ZNF215: variants seen among roughly 807,000 people sequenced by gnomAD.
ZNF215 encodes the protein BWSCR2-associated zinc finger protein 2.
Under a neutral mutation model 27.2 loss-of-function variants are expected in ZNF215, and 24 were observed. The observed-to-expected ratio is 0.88, with a 90% CI of 0.64 to 1.24. The LOEUF (loss-of-function observed/expected upper bound fraction) is 1.24. ZNF215 is among the 50% of genes most tolerant of loss of function. The pLI is 0.00. For missense variants in ZNF215, 675 were observed against 605.7 expected, an observed-to-expected ratio of 1.11 and a Z score of -1.20; for synonymous variants, 210 against 204.0, an observed-to-expected ratio of 1.03 and a Z score of -0.25.
chr11:6,944,014 G>A (rs1056578311), intron 6 of ZNF215, among the ~76,000 whole-genome samples: 19 of 152,310 alleles, frequency 1.2e-4, no homozygotes, highest in Admixed American at 5.2e-4. Flanking sequence ...GGTGGCTCAC[G>A]CCTGTAATCC....
chr11:6,974,654 A>G (rs1303607431), intron 5 of ZNF215, among the ~76,000 whole-genome samples: 2 of 152,108 alleles, frequency 1.3e-5, no homozygotes, highest in African/African-American at 2.4e-5. Flanking sequence ...CTTTGAAGCA[A>G]TTGTGAATGG....
intron 6 of ZNF215, among the ~76,000 whole-genome samples, chr11:6,951,823 G>A (rs1850083061): frequency 6.6e-6 from 1 of 151,950 alleles, no homozygotes; most frequent in Non-Finnish European, 1.5e-5. Context: ...TAATTGTGAT[G>A]TTAGGGTGTC....
chr11:6,938,387 A>G (rs576248472), intron 3 of ZNF215, among the ~76,000 whole-genome samples: 1 of 152,100 alleles, frequency 6.6e-6, no homozygotes, highest in Non-Finnish European at 1.5e-5. Context: ...TGTTGGGAAT[A>G]TAAACTGGTT....
chr11:6,954,358 C>G (rs189164238), intron 6 of ZNF215, among the ~76,000 whole-genome samples: 62 of 152,374 alleles, frequency 4.1e-4, no homozygotes, highest in Middle Eastern at 3.4e-3. Context: ...TACAGAGGCA[C>G]GAAGGCCTCC....
intron 5 of ZNF215, among the ~76,000 whole-genome samples, chr11:6,978,048 T>C (rs920346851): frequency 6.6e-6 from 1 of 152,160 alleles, no homozygotes; most frequent in Non-Finnish European, 1.5e-5. Context: ...GCCTCTTTTT[T>C]CTAACTAACA....
chr11:6,988,278 G>A (rs577698684), downstream of ZNF215: 6 of 984,492 alleles, frequency 6.1e-6, no homozygotes, highest in Admixed American at 1.2e-4. Context: ...GATGGGGATG[G>A]CAGACTCAGC....
chr11:6,952,480 A>G (rs1167111372), intron 6 of ZNF215, among the ~76,000 whole-genome samples: 1 of 152,046 alleles, frequency 6.6e-6, no homozygotes, highest in African/African-American at 2.4e-5. Context: ...TCCTTTTACC[A>G]TTATGTAATG....
chr11:6,986,928 T>A (rs1564980503), downstream of ZNF215, among the ~76,000 whole-genome samples: 1 of 152,112 alleles, frequency 6.6e-6, no homozygotes, highest in Non-Finnish European at 1.5e-5. Flanking sequence ...TACTTATACA[T>A]TGTTTTTGGG....
At chr11:6,969,332 T>C (rs953952449) in intron 5 of ZNF215, among the ~76,000 whole-genome samples, 4 of 152,196 alleles carry the variant, frequency 2.6e-5, no homozygotes, top group Admixed American at 6.5e-5. Flanking sequence ...TCTCCAAATA[T>C]ACATTTGAGC....
intron 5 of ZNF215, among the ~76,000 whole-genome samples, chr11:6,978,857 C>G (rs997652264): frequency 6.6e-6 from 1 of 151,954 alleles, no homozygotes; most frequent in South Asian, 2.1e-4. Flanking sequence ...CACCTATATA[C>G]TTAATTTTAA....
downstream of ZNF215, among the ~76,000 whole-genome samples, chr11:6,961,171 C>T (rs1057206144): frequency 1.3e-5 from 2 of 152,062 alleles, no homozygotes. Context: ...CATGTATTCT[C>T]CAGGCTTTTT....
At chr11:6,955,208 A>G (rs1005744793) in intron 6 of ZNF215, among the ~76,000 whole-genome samples, 1 of 152,188 alleles carries the variant, frequency 6.6e-6, no homozygotes, top group Non-Finnish European at 1.5e-5. Flanking sequence ...AAATGGGGGC[A>G]CTATGATTGC....
Position 6,955,737 on chromosome 11 carries a change from A to G in ZNF215, c.760A>G (p.Thr254Ala). The change falls in exon 7 of 7, where the codon ACA becomes GCA. Residue 254 changes from threonine to alanine, a missense_variant. Physicochemically the swap from Thr to Ala is moderately conservative, Grantham distance 58. Coordinates refer to ENST00000278319, the MANE Select transcript of ZNF215 (RefSeq NM_013250.4). Reference sequence around the variant, plus strand: ...AGAATCATCCCATGGAGTGATTATGACAAGGCTTACCGAAAGTGGACACCC... The same window carrying G: ...AGAATCATCCCATGGAGTGATTATGGCAAGGCTTACCGAAAGTGGACACCC... The part of the protein sequence containing the change: ...GEESSHGVIM[T>A]RLTESGHPSS... The G allele has an allele frequency of 6.2e-7, 1 of 1,601,050 alleles. No homozygotes were observed. Among genetic ancestry groups the G allele is most frequent in the Non-Finnish European group, 8.5e-7 (1 of 1,176,012 alleles).
intron 6 of ZNF215, among the ~76,000 whole-genome samples, chr11:6,952,835 G>T (rs1850134565): frequency 6.6e-6 from 1 of 151,758 alleles, no homozygotes; most frequent in Non-Finnish European, 1.5e-5. Context: ...AGCCTCGATG[G>T]TCTTTACAAT....
chr11:6,973,194 G>T (rs1277457560), intron 5 of ZNF215, among the ~76,000 whole-genome samples: 2 of 152,072 alleles, frequency 1.3e-5, no homozygotes, highest in East Asian at 3.9e-4. Context: ...ATGGTTTCCA[G>T]CTTCATCCAT....
At chr11:6,983,149 A>G (rs1036516869) in intron 5 of ZNF215, among the ~76,000 whole-genome samples, 6 of 152,240 alleles carry the variant, frequency 3.9e-5, no homozygotes, top group Admixed American at 2.0e-4. Flanking sequence ...AATAAACTAG[A>G]AAATCTAGAA....
chr11:6,952,988 G>A (rs1399297681), intron 6 of ZNF215, among the ~76,000 whole-genome samples: 8 of 151,962 alleles, frequency 5.3e-5, no homozygotes, highest in East Asian at 1.9e-4. Context: ...TCTCCTTCAC[G>A]TATGAAGCTT....
At chr11:6,977,688 C>A (rs1850859711) in intron 5 of ZNF215, among the ~76,000 whole-genome samples, 1 of 151,930 alleles carries the variant, frequency 6.6e-6, no homozygotes, top group Admixed American at 6.6e-5. Flanking sequence ...AACCTGCTGA[C>A]ACCTGGATCT....
At chr11:6,949,706 T>TC (rs2133259942) in intron 6 of ZNF215, among the ~76,000 whole-genome samples, 1 of 152,358 alleles carries the variant, frequency 6.6e-6, no homozygotes, top group Admixed American at 6.5e-5. Flanking sequence ...GATGGTAGTT[T>TC]CTTTTGCTGT....
Sources: allele counts gnomAD v4.1 joint callset (sites outside exome capture counted in the v4.1 genomes callset), GRCh38; gene constraint gnomAD v4.1.1; transcripts MANE v1.5; gene names NCBI Gene and HGNC (gene_info 2026-07-23, HGNC 2026-07-21).